Variants in BTBD3 observed in about 807,000 individuals in gnomAD.
The protein encoded by BTBD3 is BTB/POZ domain-containing protein 3.
Under a neutral mutation model 41.6 loss-of-function variants are expected in BTBD3, and 14 were observed. The ratio of observed to expected loss-of-function variants is 0.34; its 90% CI spans 0.22 to 0.53. The LOEUF (loss-of-function observed/expected upper bound fraction) is 0.53. Among genes scored for constraint, BTBD3 ranks in the 20% least tolerant of loss-of-function variants. The pLI, the probability that BTBD3 is intolerant of heterozygous loss-of-function variation, is 0.95. For missense variants in BTBD3, 426 were observed against 654.7 expected, an observed-to-expected ratio of 0.65 and a Z score of 3.81; for synonymous variants, 249 against 233.7, an observed-to-expected ratio of 1.07 and a Z score of -0.60.
At chr20:11,911,818 C>G (rs1445712205) in intron 1 of BTBD3, among the ~76,000 whole-genome samples, 5 of 152,086 alleles carry the variant, frequency 3.3e-5, no homozygotes, top group Admixed American at 3.3e-4. Flanking sequence ...TACCCCTTTT[C>G]AAGATCACTT....
At chr20:11,905,053 G>A (rs1386298019) in intron 1 of BTBD3, among the ~76,000 whole-genome samples, 3 of 152,198 alleles carry the variant, frequency 2.0e-5, no homozygotes, top group African/African-American at 7.2e-5. Flanking sequence ...TAATATCACT[G>A]CTCTTATAAG....
upstream of BTBD3, among the ~76,000 whole-genome samples, chr20:11,913,981 C>T (rs1315099305): frequency 6.6e-6 from 1 of 152,172 alleles, no homozygotes; most frequent in African/African-American, 2.4e-5. Context: ...CCGCCGTATG[C>T]CCAACACCTA....
chr20:11,896,171 G>A (rs1453924917), intron 1 of BTBD3, among the ~76,000 whole-genome samples: 4 of 152,200 alleles, frequency 2.6e-5, no homozygotes, highest in Non-Finnish European at 5.9e-5. Flanking sequence ...TAAGGGTCAT[G>A]AAAGATTATT....
chr20:11,919,165 C>T lies in BTBD3; in HGVS notation c.406C>T (p.Pro136Ser). The change falls in exon 2 of 4, where the codon CCA becomes TCA. Residue 136 changes from proline to serine, a missense_variant. Coordinates refer to ENST00000378226, the MANE Select transcript of BTBD3 (RefSeq NM_014962.4). ...GCCACCAGGTGGGACTCAACGGTTG[C>T]CAGGACACAAAGTAAGCAACAGCTG... ...VGPPGGTQRL[P>S]GHKYVLAVGS... The T allele has an allele frequency of 1.2e-6, 2 of 1,613,374 alleles. No homozygotes were observed. Among genetic ancestry groups the T allele is most frequent in the Non-Finnish European group, 1.7e-6 (2 of 1,179,558 alleles).
Position 11,919,074 on chromosome 20 carries a change from C to T in BTBD3, c.327-12C>T. ...AGGCTGCTGTGAATTAATGAGTTGC[C>T]TCTGTTTATAGAAATGCGATGATGT... On this transcript the variant is annotated splice_polypyrimidine_tract_variant and intron_variant, in intron 1 of 3. Transcript: ENST00000378226. 7 of 1,604,466 alleles carry T rather than the reference C, an allele frequency of 4.4e-6. No individual in the cohort carries two copies. The highest frequency in any genetic ancestry group is 6.0e-6 in the Non-Finnish European group (7 of 1,173,022).
upstream of BTBD3, chr20:11,917,830 C>G (rs942245796): frequency 2.7e-6 from 2 of 754,596 alleles, no homozygotes; most frequent in Admixed American, 5.8e-5. Flanking sequence ...GCTATTGGCT[C>G]GGAGCACTGG....
chr20:11,901,332 T>C (rs1473975181), intron 1 of BTBD3, among the ~76,000 whole-genome samples: 1 of 152,092 alleles, frequency 6.6e-6, no homozygotes, highest in Non-Finnish European at 1.5e-5. Flanking sequence ...TTTGTGGCCT[T>C]GGGAGACAGG....
rs1014377522 is a variant in BTBD3, at chr20:11,894,134, G to T, written c.-126+3180G>T. 1.6e-4 allele frequency among the ~76,000 whole-genome samples: 24 copies of T among 152,248 alleles called. 1 individual carries two copies. On this transcript the variant is annotated intron_variant, in intron 1 of 4. Coordinates refer to the BTBD3 transcript ENST00000254977. ...ATTTCCTTGGAATAAGGGTCATGGTGCCTGCACCATAGAGTTTTGGTGAGA... is the reference window on the plus strand; with the variant it reads ...ATTTCCTTGGAATAAGGGTCATGGTTCCTGCACCATAGAGTTTTGGTGAGA...
intron 3 of BTBD3, among the ~76,000 whole-genome samples, chr20:11,920,804 A>C (rs1002533949): frequency 6.6e-6 from 1 of 152,214 alleles, no homozygotes; most frequent in African/African-American, 2.4e-5. Context: ...AACAAGTTGG[A>C]CAGTACTCCT....
intron 1 of BTBD3, among the ~76,000 whole-genome samples, chr20:11,897,042 C>A (rs528517525): frequency 7.9e-5 from 12 of 152,296 alleles, no homozygotes; most frequent in Non-Finnish European, 1.6e-4. Context: ...CTTGAGGACA[C>A]CACACACTGT....
chr20:11,897,758 A>G (rs2056796647), intron 1 of BTBD3, among the ~76,000 whole-genome samples: 1 of 152,196 alleles, frequency 6.6e-6, no homozygotes, highest in African/African-American at 2.4e-5. Flanking sequence ...CATCTGCTTA[A>G]CATCAGAGTG....
upstream of BTBD3, chr20:11,913,752 A>C (rs1447579492): frequency 1.3e-5 from 2 of 152,238 alleles, no homozygotes; most frequent in Non-Finnish European, 2.9e-5. Context: ...CTGCAAAGTG[A>C]ATATGTCAGA....
At chr20:11,914,252 G>A (rs574157514), upstream of BTBD3, among the ~76,000 whole-genome samples, 2 of 152,242 alleles carry the variant, frequency 1.3e-5, no homozygotes, top group South Asian at 2.1e-4. Context: ...AACTATTTAT[G>A]TTTAATCAAG....
In BTBD3 at chr20:11,923,457, TG is replaced by T. The variant is rs1568617744; in HGVS notation, c.1362del (p.Trp454CysfsTer18). ...TGGGTCCAGCAATACCTTTCCCGTA[TG>T]GTTTGAATACCCAGTGCAGATCGAG... is the stretch of plus-strand genomic sequence containing the variant. ...SDGSSNTFPV[W>X]FEYPVQIEPD... On this transcript the variant is annotated frameshift_variant, in exon 4 of 4. Transcript: ENST00000378226. LOFTEE classifies it high-confidence loss of function. This position sits in a 1 kb window ranked among gnomAD's most constrained non-coding sequence, Gnocchi z 5.3. 1 of 1,614,198 alleles carries T rather than the reference TG, an allele frequency of 6.2e-7. No homozygotes were observed. The highest frequency in any genetic ancestry group is 8.5e-7 in the Non-Finnish European group (1 of 1,180,036).
At chr20:11,893,168 C>T (rs2056766614) in intron 1 of BTBD3, among the ~76,000 whole-genome samples, 2 of 151,940 alleles carry the variant, frequency 1.3e-5, no homozygotes, top group Non-Finnish European at 2.9e-5. Context: ...AGAAATAGGT[C>T]ATTTAACATA....
At chr20:11,919,399 C>T (rs1400641127) in intron 2 of BTBD3, 14 of 1,406,690 alleles carry the variant, frequency 1.0e-5, no homozygotes, top group African/African-American at 2.9e-5. Flanking sequence ...CTTAACTCTC[C>T]AGACATGGGA....
chr20:11,918,698 CCT>C (rs2056939765), intron 1 of BTBD3, 97 bp downstream of exon 1: 64 of 1,309,840 alleles, frequency 4.9e-5, no homozygotes, highest in Non-Finnish European at 6.7e-5. Context: ...AAATCTGTTT[CCT>C]CTTTTCCCAG....
chr20:11,923,986 T>C lies in BTBD3; in HGVS notation c.*320T>C. On this transcript the variant is annotated 3_prime_UTR_variant, in exon 4 of 4. Transcript: ENST00000378226. The surrounding 1 kb of genome is among the most constrained non-coding windows in gnomAD (Gnocchi z 5.3). The stretch of plus-strand genomic sequence containing the variant: ...CAGTTTTGTCCCTCTGAAGATAATT[T>C]TGGATCACCTTGAATTTCCTTTTGG... The C allele has an allele frequency of 4.2e-6, 1 of 236,606 alleles. No homozygotes were observed. Among genetic ancestry groups the C allele is most frequent in the Non-Finnish European group, 8.2e-6 (1 of 122,384 alleles). 14.7% of individuals were successfully genotyped at this position (236,606 alleles called of 1,614,324 possible).
chr20:11,911,334 A>G (rs1346495328), intron 1 of BTBD3, among the ~76,000 whole-genome samples: 1 of 152,194 alleles, frequency 6.6e-6, no homozygotes, highest in Non-Finnish European at 1.5e-5. Context: ...AATGTAAAGA[A>G]AATTATATTA....
Sources: gnomAD v4.1 joint callset for allele counts (sites outside exome capture counted in the v4.1 genomes callset) on GRCh38, gnomAD v4.1.1 for gene constraint, Gnocchi (gnomAD v3.1) non-coding constraint, MANE v1.5 for transcripts, NCBI Gene and HGNC (gene_info 2026-07-23, HGNC 2026-07-21) for gene names.